Variants in RAD18 observed in about 807,000 individuals in gnomAD.
RAD18 encodes E3 ubiquitin-protein ligase RAD18.
In RAD18, 47 loss-of-function variants were observed where a neutral mutation model predicts 60.4. The observed-to-expected ratio is 0.78, with a 90% CI of 0.62 to 0.99. RAD18 has a LOEUF of 0.99. Among genes scored for constraint, RAD18 ranks in the 50% least tolerant of loss-of-function variants. RAD18 has a pLI of 0.00. For synonymous variants in RAD18, 225 were observed against 195.5 expected (o/e 1.15, Z -1.26); for missense variants, 640 against 593.3 (o/e 1.08, Z -0.82).
chr3:8,950,117 G>A (rs184859065), intron 2 of RAD18, among the ~76,000 whole-genome samples: 76 of 152,074 alleles, frequency 5.0e-4, no homozygotes, highest in African/African-American at 1.8e-3. Context: ...TGCAACCTCC[G>A]CCTCCTGGGT....
At chr3:8,944,873 G>C (rs1373752858) in intron 4 of RAD18, among the ~76,000 whole-genome samples, 2 of 152,114 alleles carry the variant, frequency 1.3e-5, no homozygotes, top group African/African-American at 4.8e-5. Context: ...CATGTAAACA[G>C]CAGTCTAGAA....
Position 8,890,274 on chromosome 3 carries a change from T to C in RAD18, c.1385+115A>G, listed in dbSNP as rs567751717. The C allele has an allele frequency of 9.3e-5, 73 of 784,390 alleles. No individual in the cohort carries two copies. The African/African-American group carries it at 1.0e-3, about 11-fold the overall frequency. The allele number at this position is 784,390 out of a possible 1,614,324, so 48.6% of individuals were successfully genotyped here. A position where few individuals can be genotyped will look rare whatever the true frequency, so the allele number is the denominator to read the frequency against. ...TGAAAATCTTTACCTTGCATGAGGA[T>C]TACTACTTCTTTAAACCAGAAAGCA... On this transcript the variant is annotated intron_variant, in intron 12 of 12. Coordinates refer to ENST00000264926, the MANE Select transcript of RAD18 (RefSeq NM_020165.4).
At position 8,877,127 on chromosome 3, in the gene RAD18, G is replaced by A. The variant is rs968166057; in HGVS notation, c.*4230C>T. 2 of 152,220 alleles carry A rather than the reference G, an allele frequency of 1.3e-5. No homozygotes were observed. Among genetic ancestry groups the A allele is most frequent in the Non-Finnish European group, 2.9e-5 (2 of 68,036 alleles). 9.4% of individuals were successfully genotyped at this position (152,220 alleles called of 1,614,324 possible). A position where few individuals can be genotyped will look rare whatever the true frequency, so the allele number is the denominator to read the frequency against. ...TTGTATTTTGGAATCAAAGGAGTCA[G>A]AAGATGCATGCATCAGTTTCTGGGT... On this transcript the variant is annotated 3_prime_UTR_variant, in exon 13 of 13. Coordinates refer to ENST00000264926, the MANE Select transcript of RAD18 (RefSeq NM_020165.4).
chr3:8,958,357 T>C (rs1941043599), intron 2 of RAD18, among the ~76,000 whole-genome samples: 1 of 152,240 alleles, frequency 6.6e-6, no homozygotes, highest in African/African-American at 2.4e-5. Flanking sequence ...GTAACCCCTA[T>C]GCACTAAATA....
At chr3:8,881,685 A>G (rs955706574) in intron 12 of RAD18, among the ~76,000 whole-genome samples, 6 of 152,212 alleles carry the variant, frequency 3.9e-5, no homozygotes, top group African/African-American at 1.4e-4. Context: ...TTTCTGAATT[A>G]AAATTTAGGA....
chr3:8,938,533 CCCT>C (rs962430814), intron 6 of RAD18, among the ~76,000 whole-genome samples: 1 of 152,090 alleles, frequency 6.6e-6, no homozygotes, highest in Non-Finnish European at 1.5e-5. Context: ...TCTTCAGCTT[CCCT>C]CCTCTTCTTT....
chr3:8,900,738 G>A (rs762139327), intron 10 of RAD18, among the ~76,000 whole-genome samples: 1 of 152,146 alleles, frequency 6.6e-6, no homozygotes, highest in Non-Finnish European at 1.5e-5. Context: ...TTGGTTGTAT[G>A]ATGCTATACA....
intron 9 of RAD18, among the ~76,000 whole-genome samples, chr3:8,907,060 C>A (rs546674775): frequency 6.6e-6 from 1 of 152,300 alleles, no homozygotes; most frequent in South Asian, 2.1e-4. Context: ...TTTCTCCTTC[C>A]AGTACTATGT....
At chr3:8,904,200 C>A (rs898981338) in intron 9 of RAD18, among the ~76,000 whole-genome samples, 1 of 152,176 alleles carries the variant, frequency 6.6e-6, no homozygotes, top group African/African-American at 2.4e-5. Context: ...TTGATCACCT[C>A]ATAATATCAG....
chr3:8,899,626 G>A (rs1939867199), intron 10 of RAD18, among the ~76,000 whole-genome samples: 1 of 152,086 alleles, frequency 6.6e-6, no homozygotes, highest in African/African-American at 2.4e-5. Context: ...CAGATTTCAA[G>A]GTCTCTTATT....
At chr3:8,916,485 A>G (rs1940202027) in intron 7 of RAD18, among the ~76,000 whole-genome samples, 1 of 152,206 alleles carries the variant, frequency 6.6e-6, no homozygotes, top group Non-Finnish European at 1.5e-5. Flanking sequence ...TTTAAAAAAA[A>G]GTCTGGCACC....
intron 6 of RAD18, among the ~76,000 whole-genome samples, chr3:8,938,112 G>GGAAATAAT (rs1448552542): frequency 6.6e-6 from 1 of 152,098 alleles, no homozygotes; most frequent in Non-Finnish European, 1.5e-5. Flanking sequence ...AACTCTCGTG[G>GGAAATAAT]CTTATGGGAA....
At chr3:8,900,349 T>C (rs1407239256) in intron 10 of RAD18, among the ~76,000 whole-genome samples, 2 of 152,200 alleles carry the variant, frequency 1.3e-5, no homozygotes, top group Non-Finnish European at 2.9e-5. Flanking sequence ...AGGGACTATA[T>C]TACTCAACTA....
chr3:8,938,015 A>C (rs933826368), intron 6 of RAD18, among the ~76,000 whole-genome samples: 4 of 152,198 alleles, frequency 2.6e-5, no homozygotes. Context: ...CAAGATAATC[A>C]GTGCAGATTC....
intron 2 of RAD18, among the ~76,000 whole-genome samples, 174 bp from the exon 3 acceptor site, chr3:8,948,744 C>T (rs939519614): frequency 1.3e-5 from 2 of 152,080 alleles, no homozygotes; most frequent in African/African-American, 4.8e-5. Flanking sequence ...GATTAAACAG[C>T]ATTTTAAGGA....
chr3:8,898,793 A>T, intron 11 of RAD18, 101 bp downstream of exon 11: 1 of 1,034,486 alleles, frequency 9.7e-7, no homozygotes, highest in Non-Finnish European at 1.4e-6. Flanking sequence ...GTGACACACC[A>T]TGCCATGCCT....
chr3:8,961,611 T>C (rs1203006042), intron 1 of RAD18, among the ~76,000 whole-genome samples: 1 of 151,874 alleles, frequency 6.6e-6, no homozygotes, highest in Admixed American at 6.6e-5. Context: ...CCTGGAAGAG[T>C]TCAAGCAAAA....
chr3:8,939,670 G>C lies in RAD18; in HGVS notation c.605-17C>G. The C allele has an allele frequency of 6.3e-7, 1 of 1,582,888 alleles. No individual in the cohort carries two copies. The highest frequency in any genetic ancestry group is 2.3e-5 in the East Asian group (1 of 44,392). On this transcript the variant is annotated splice_polypyrimidine_tract_variant and intron_variant, in intron 5 of 12. Transcript: ENST00000264926. ...GACAATCCACTGTATTTTTTAAAAAGAAAAAGAGAGACTTTATTAATTGTA... is the reference window on the plus strand; with the variant it reads ...GACAATCCACTGTATTTTTTAAAAACAAAAAGAGAGACTTTATTAATTGTA...
At position 8,945,078 on chromosome 3, in the gene RAD18, T is replaced by A. The variant is rs146178413; in HGVS notation, c.266+2142A>T. On this transcript the variant is annotated intron_variant, in intron 4 of 12. Transcript: ENST00000264926. ...CATTGTATTAGGACTATAAGTAACC[T>A]AGAGGTGATTTAAAGTATAAGGGAG... Among the ~76,000 whole-genome samples the A allele has an allele frequency of 1.9e-3, 290 of 152,324 alleles. 2 individuals carry two copies. The highest frequency in any genetic ancestry group is 6.4e-3 in the African/African-American group (264 of 41,574).
Sources: gnomAD v4.1 joint callset for allele counts (sites outside exome capture counted in the v4.1 genomes callset) on GRCh38, gnomAD v4.1.1 for gene constraint, MANE v1.5 for transcripts, NCBI Gene and HGNC (gene_info 2026-07-23, HGNC 2026-07-21) for gene names.